ZMAT4: variants seen among roughly 807,000 people sequenced by gnomAD.
ZMAT4 encodes zinc finger matrin-type protein 4.
Under a neutral mutation model 28.7 loss-of-function variants are expected in ZMAT4, and 17 were observed. That is an observed-to-expected ratio of 0.59 (90% CI 0.41 to 0.89). ZMAT4 has a LOEUF of 0.89. Ranked by LOEUF, ZMAT4 falls within the 40% of genes least tolerant of loss-of-function variation. ZMAT4 has a pLI of 0.00. For missense variants in ZMAT4, 240 were observed against 283.8 expected (o/e 0.85, Z 1.11); for synonymous variants, 117 against 109.2 (o/e 1.07, Z -0.44).
At chr8:40,581,375 C>A in intron 5 of ZMAT4, 114 bp from the exon 6 acceptor site, 1 of 753,738 alleles carries the variant, frequency 1.3e-6, no homozygotes, top group South Asian at 1.7e-5. Context: ...CCTGATCTAC[C>A]CCACCAACAC....
At chr8:40,843,557 C>G (rs776009321) in intron 1 of ZMAT4, among the ~76,000 whole-genome samples, 1 of 152,220 alleles carries the variant, frequency 6.6e-6, no homozygotes. Context: ...CTTCTCTGGT[C>G]TTTCTAAAGC....
chr8:40,733,621 C>A (rs1488894001), intron 3 of ZMAT4, among the ~76,000 whole-genome samples: 1 of 151,958 alleles, frequency 6.6e-6, no homozygotes, highest in African/African-American at 2.4e-5. Context: ...CAACGAGAAT[C>A]GCTGTTCTTG....
At chr8:40,888,321 G>T (rs1010682801) in intron 1 of ZMAT4, among the ~76,000 whole-genome samples, 2 of 152,176 alleles carry the variant, frequency 1.3e-5, no homozygotes, top group African/African-American at 4.8e-5. Context: ...TAAGGAGAGT[G>T]GCTTTGCCTT....
intron 1 of ZMAT4, among the ~76,000 whole-genome samples, chr8:40,843,109 C>T (rs1002646802): frequency 6.6e-6 from 1 of 152,196 alleles, no homozygotes; most frequent in African/African-American, 2.4e-5. Flanking sequence ...TTCTCCAAAG[C>T]ATCTGTAGCT....
intron 1 of ZMAT4, among the ~76,000 whole-genome samples, chr8:40,839,043 G>A (rs1257172002): frequency 6.6e-6 from 1 of 152,122 alleles, no homozygotes; most frequent in Admixed American, 6.6e-5. Context: ...AGGCAAAATG[G>A]AGATCTCTAA....
intron 5 of ZMAT4, among the ~76,000 whole-genome samples, chr8:40,605,922 C>G (rs1032249230): frequency 6.6e-6 from 1 of 152,108 alleles, no homozygotes; most frequent in Non-Finnish European, 1.5e-5. Flanking sequence ...TATCATTATA[C>G]AATGTCCCTC....
intron 5 of ZMAT4, among the ~76,000 whole-genome samples, chr8:40,626,524 G>C (rs545173161): frequency 5.2e-4 from 79 of 152,328 alleles, no homozygotes; most frequent in African/African-American, 1.7e-3. Context: ...GCTGCTAACT[G>C]CCAGCCCCAG....
chr8:40,608,345 G>A (rs1041823717), intron 5 of ZMAT4, among the ~76,000 whole-genome samples: 2 of 152,116 alleles, frequency 1.3e-5, no homozygotes, highest in African/African-American at 4.8e-5. Flanking sequence ...CTAGGTCAAT[G>A]GAAAATGGGG....
intron 4 of ZMAT4, among the ~76,000 whole-genome samples, chr8:40,686,529 G>C (rs952674686): frequency 6.6e-6 from 1 of 152,080 alleles, no homozygotes; most frequent in African/African-American, 2.4e-5. Flanking sequence ...TGCTACTCGG[G>C]AGTCTGAGGT....
chr8:40,820,244 G>A (rs571071349), intron 2 of ZMAT4, among the ~76,000 whole-genome samples: 8 of 150,698 alleles, frequency 5.3e-5, no homozygotes, highest in South Asian at 2.1e-4. Context: ...GTACGTGTGC[G>A]CATATATGTG....
At chr8:40,701,032 G>A (rs1810122471) in intron 3 of ZMAT4, among the ~76,000 whole-genome samples, 1 of 152,048 alleles carries the variant, frequency 6.6e-6, no homozygotes, top group South Asian at 2.1e-4. Context: ...CAAAAGAGGA[G>A]GCAGGTAACA....
At chr8:40,836,681 G>T (rs77384965) in intron 1 of ZMAT4, among the ~76,000 whole-genome samples, 173 of 152,030 alleles carry the variant, frequency 1.1e-3, no homozygotes, top group African/African-American at 4.0e-3. Flanking sequence ...GACATCTTGG[G>T]CATACATGTA....
intron 5 of ZMAT4, among the ~76,000 whole-genome samples, chr8:40,664,381 C>A (rs1240117300): frequency 6.6e-6 from 1 of 152,214 alleles, no homozygotes; most frequent in African/African-American, 2.4e-5. Context: ...AATGTACACA[C>A]TGCTCTCTTG....
intron 4 of ZMAT4, among the ~76,000 whole-genome samples, chr8:40,694,343 C>T (rs1809782799): frequency 6.6e-6 from 1 of 152,144 alleles, no homozygotes; most frequent in South Asian, 2.1e-4. Flanking sequence ...AACAAGCCTC[C>T]ACCTTATACT....
At chr8:40,575,762 A>G (rs939154572) in intron 6 of ZMAT4, among the ~76,000 whole-genome samples, 3 of 152,022 alleles carry the variant, frequency 2.0e-5, no homozygotes. Context: ...TGAAAAGTGA[A>G]GGAAACATGA....
intron 2 of ZMAT4, among the ~76,000 whole-genome samples, chr8:40,823,107 G>A (rs1815890561): frequency 6.6e-6 from 1 of 152,006 alleles, no homozygotes; most frequent in Non-Finnish European, 1.5e-5. Context: ...GTGGGGCAGG[G>A]TCACCAGTGC....
chr8:40,795,265 T>C (rs1814540837), intron 2 of ZMAT4, among the ~76,000 whole-genome samples: 1 of 152,116 alleles, frequency 6.6e-6, no homozygotes, highest in Admixed American at 6.5e-5. Flanking sequence ...GCCAATGGTT[T>C]GCACACTCAC....
chr8:40,615,979 T>C (rs1805990776), intron 5 of ZMAT4, among the ~76,000 whole-genome samples: 1 of 152,106 alleles, frequency 6.6e-6, no homozygotes, highest in Non-Finnish European at 1.5e-5. Context: ...ATTTTTGCAA[T>C]CTACTCATCT....
rs183809497 is a variant in ZMAT4 at position 40,751,575 on chromosome 8, A to G, written c.192+16066T>C. On this transcript the variant is annotated intron_variant, in intron 3 of 6. Transcript: ENST00000297737. ...CGCCTCCCACCAGGTCCCACTTCCG[A>G]CACTGGGAATTACATTTCAACCTGA... Among the ~76,000 whole-genome samples, 30 of 152,160 alleles carry G rather than the reference A, an allele frequency of 2.0e-4. No homozygotes were observed. The Middle Eastern group carries it at 0.024, about 121-fold the overall frequency.
Sources: allele counts gnomAD v4.1 joint callset (sites outside exome capture counted in the v4.1 genomes callset), GRCh38; gene constraint gnomAD v4.1.1; transcripts MANE v1.5; gene names NCBI Gene and HGNC (gene_info 2026-07-23, HGNC 2026-07-21).